The following MPZL1 variants were observed in gnomAD, a reference collection of about 807,000 sequenced individuals.
MPZL1 encodes myelin protein zero like 1.
In MPZL1, 16 loss-of-function variants were observed where a neutral mutation model predicts 29.3. The ratio of observed to expected loss-of-function variants is 0.55; its 90% CI spans 0.37 to 0.83. The LOEUF (loss-of-function observed/expected upper bound fraction) is 0.83, where lower values mean the gene tolerates loss of function less well. Among genes scored for constraint, MPZL1 ranks in the 40% least tolerant of loss-of-function variants. MPZL1 has a pLI of 0.00. For missense variants in MPZL1, 279 were observed against 332.9 expected (o/e 0.84, Z 1.26); for synonymous variants, 143 against 132.0 (o/e 1.08, Z -0.57).
chr1:167,732,651 C>G (rs965051090), intron 1 of MPZL1, among the ~76,000 whole-genome samples: 1 of 152,142 alleles, frequency 6.6e-6, no homozygotes, highest in African/African-American at 2.4e-5. Flanking sequence ...GAGTCTAGCT[C>G]TGTTGCCCAG....
At chr1:167,742,188 G>A (rs1026951304) in intron 1 of MPZL1, among the ~76,000 whole-genome samples, 7 of 151,984 alleles carry the variant, frequency 4.6e-5, no homozygotes, top group African/African-American at 1.2e-4. Flanking sequence ...AGCTACTCGG[G>A]AGGTTGAGGC....
intron 1 of MPZL1, chr1:167,764,941 C>G (rs1661079715): frequency 6.6e-6 from 1 of 152,144 alleles, no homozygotes; most frequent in South Asian, 2.1e-4. Context: ...AAAGGCAAAC[C>G]TATAGAGACA....
chr1:167,753,701 C>G (rs1660806045), intron 1 of MPZL1, among the ~76,000 whole-genome samples: 1 of 151,812 alleles, frequency 6.6e-6, no homozygotes, highest in Admixed American at 6.6e-5. Context: ...GCGATCTCGG[C>G]TCACTGCAAC....
rs1661714236 is a variant in MPZL1 at position 167,791,485 on chromosome 1, G to C, written c.*3564G>C. 1 of 152,230 alleles carries C rather than the reference G, an allele frequency of 6.6e-6. No individual in the cohort carries two copies. The highest frequency in any genetic ancestry group is 2.1e-4 in the South Asian group (1 of 4,830). 9.4% of individuals were successfully genotyped at this position (152,230 alleles called of 1,614,324 possible). The stretch of plus-strand genomic sequence containing the variant: ...ATACTTGGTGTGAGCCAGGCACTTT[G>C]CATTTCTTTCTCTATTATTTCTGTG... On this transcript the variant is annotated 3_prime_UTR_variant, in exon 6 of 6. Transcript: ENST00000359523.
intron 1 of MPZL1, among the ~76,000 whole-genome samples, chr1:167,727,021 G>A (rs1399670678): frequency 6.6e-6 from 1 of 152,056 alleles, no homozygotes; most frequent in African/African-American, 2.4e-5. Context: ...AAATATGATT[G>A]ATCTAATATG....
At chr1:167,730,614 T>C (rs572503934) in intron 1 of MPZL1, among the ~76,000 whole-genome samples, 8 of 152,264 alleles carry the variant, frequency 5.3e-5, no homozygotes, top group South Asian at 4.1e-4. Context: ...CTCATACCTC[T>C]CCCGCTATCA....
chr1:167,729,601 T>A (rs183808293), intron 1 of MPZL1, among the ~76,000 whole-genome samples: 2 of 152,202 alleles, frequency 1.3e-5, no homozygotes, highest in African/African-American at 4.8e-5. Context: ...CTAAGAGAAA[T>A]GTGGTAAAAT....
chr1:167,741,299 G>A (rs1320089717), intron 1 of MPZL1, among the ~76,000 whole-genome samples: 1 of 150,544 alleles, frequency 6.6e-6, no homozygotes, highest in Non-Finnish European at 1.5e-5. Context: ...TGGGATTACA[G>A]GCATGAGTCA....
chr1:167,748,585 T>G (rs1297543414), intron 1 of MPZL1, among the ~76,000 whole-genome samples: 5 of 152,224 alleles, frequency 3.3e-5, no homozygotes, highest in African/African-American at 9.6e-5. Flanking sequence ...TCTTCTTGCT[T>G]TCTTGGTAGT....
chr1:167,765,692 C>A lies in MPZL1; in HGVS notation c.201C>A (p.Gly67=), dbSNP rs1036052706. The change falls in exon 2 of 6, where the codon GGC becomes GGA. Residue 67 remains glycine, a synonymous_variant. Transcript: ENST00000359523. The stretch of plus-strand genomic sequence containing the variant: ...AGTTCAAGTCTACTAGTACGACTGG[C>A]GGGTTGACCTCAGTCTCCTGGAGCT... ...TCKFKSTSTT[G]GLTSVSWSFQ... is the part of the protein sequence containing the mutation. 6.2e-7 allele frequency: 1 copy of A among 1,613,026 alleles called. No individual in the cohort carries two copies. The highest frequency in any genetic ancestry group is 8.5e-7 in the Non-Finnish European group (1 of 1,179,442).
chr1:167,758,184 C>G (rs1368366872), intron 1 of MPZL1, among the ~76,000 whole-genome samples: 2 of 151,256 alleles, frequency 1.3e-5, no homozygotes, highest in Non-Finnish European at 3.0e-5. Flanking sequence ...AAGGTTTTTA[C>G]AAACCAGTAT....
chr1:167,781,863 A>G (rs1322416862), intron 5 of MPZL1, among the ~76,000 whole-genome samples: 2 of 152,000 alleles, frequency 1.3e-5, no homozygotes, highest in Non-Finnish European at 2.9e-5. Context: ...CCCTTGTTGC[A>G]TCTGCTTGTA....
At chr1:167,730,086 A>C (rs1660231081) in intron 1 of MPZL1, among the ~76,000 whole-genome samples, 1 of 152,124 alleles carries the variant, frequency 6.6e-6, no homozygotes, top group Non-Finnish European at 1.5e-5. Context: ...GTCCTGGGGC[A>C]TCCAGATTTC....
chr1:167,733,574 A>T (rs577036675), intron 1 of MPZL1, among the ~76,000 whole-genome samples: 14 of 152,000 alleles, frequency 9.2e-5, no homozygotes, highest in Non-Finnish European at 1.8e-4. Flanking sequence ...GCAAAACCCC[A>T]TCTCTACTAA....
intron 1 of MPZL1, among the ~76,000 whole-genome samples, chr1:167,739,899 A>G (rs1281818382): frequency 6.6e-6 from 1 of 152,182 alleles, no homozygotes; most frequent in Non-Finnish European, 1.5e-5. Flanking sequence ...TAGTTTCACT[A>G]CGACAGTTTC....
chr1:167,736,833 C>T (rs1218913369), intron 1 of MPZL1, among the ~76,000 whole-genome samples: 1 of 152,180 alleles, frequency 6.6e-6, no homozygotes, highest in Non-Finnish European at 1.5e-5. Context: ...CTCTCTTGGG[C>T]AAATTTAATT....
chr1:167,731,577 C>T (rs182363787), intron 1 of MPZL1, among the ~76,000 whole-genome samples: 21 of 151,900 alleles, frequency 1.4e-4, no homozygotes, highest in Non-Finnish European at 2.5e-4. Flanking sequence ...GCTGGGACTA[C>T]AGGCAGCCGC....
At position 167,787,985 on chromosome 1, in the gene MPZL1, G is replaced by A. The variant is rs1276492792; in HGVS notation, c.*64G>A. On this transcript the variant is annotated 3_prime_UTR_variant, in exon 6 of 6. Transcript: ENST00000359523. ...CAAACTGGACTCTCGTGCAGAAAAT[G>A]TAGCCCATTACCACATGTAGCCTTG... The A allele has an allele frequency of 2.2e-6, 3 of 1,375,558 alleles. No individual in the cohort carries two copies. The highest frequency in any genetic ancestry group is 4.6e-5 in the East Asian group (2 of 43,658). 85.2% of individuals were successfully genotyped at this position (1,375,558 alleles called of 1,614,324 possible). A position where few individuals can be genotyped will look rare whatever the true frequency, so the allele number is the denominator to read the frequency against.
At chr1:167,728,362 CT>C (rs71097693) in intron 1 of MPZL1, among the ~76,000 whole-genome samples, 30,891 of 117,116 alleles carry the variant, frequency 0.26, 3,014 homozygotes, top group African/African-American at 0.44. Flanking sequence ...TTCTTTCTTT[CT>C]TTTTTTTTTT....
Sources: gnomAD v4.1 joint callset for allele counts (sites outside exome capture counted in the v4.1 genomes callset) on GRCh38, gnomAD v4.1.1 for gene constraint, MANE v1.5 for transcripts, NCBI Gene and HGNC (gene_info 2026-07-23, HGNC 2026-07-21) for gene names.